ACOT11: variants seen among roughly 807,000 people sequenced by gnomAD.
The protein encoded by ACOT11 is acyl-CoA thioesterase 11.
A neutral mutation model predicts 77.5 loss-of-function variants in ACOT11; 69 were observed. The observed-to-expected ratio is 0.89, with a 90% CI of 0.73 to 1.09. The LOEUF (loss-of-function observed/expected upper bound fraction) is 1.09. Ranked by LOEUF, ACOT11 falls within the 50% of genes least tolerant of loss-of-function variation. The probability of loss-of-function intolerance (pLI) is 0.00; values close to 1 mark genes in which losing one functional copy is unlikely to be tolerated. For synonymous variants in ACOT11, 279 were observed against 313.0 expected, an observed-to-expected ratio of 0.89 and a Z score of 1.15; for missense variants, 766 against 813.7, an observed-to-expected ratio of 0.94 and a Z score of 0.71.
intron 8 of ACOT11, 32 bp from the exon 9 acceptor site, chr1:54,601,237 T>C (rs1431855184): frequency 1.9e-5 from 31 of 1,600,012 alleles, no homozygotes; most frequent in Non-Finnish European, 2.6e-5. Context: ...GGAAGGTCTG[T>C]CCAGGTTGGA....
intron 3 of ACOT11, among the ~76,000 whole-genome samples, chr1:54,588,903 G>A (rs1230559167): frequency 6.6e-6 from 1 of 152,144 alleles, no homozygotes; most frequent in African/African-American, 2.4e-5. Flanking sequence ...ATGGTTGGTG[G>A]CCAGGGAAGG....
intron 1 of ACOT11, among the ~76,000 whole-genome samples, chr1:54,570,708 G>T (rs1653902122): frequency 6.7e-6 from 1 of 148,498 alleles, no homozygotes; most frequent in Non-Finnish European, 1.5e-5. Context: ...ACAGAGTCTC[G>T]CCCTGTTGCC....
At chr1:54,587,639 G>A (rs1226748665) in intron 3 of ACOT11, among the ~76,000 whole-genome samples, 1 of 120,344 alleles carries the variant, frequency 8.3e-6, no homozygotes, top group Non-Finnish European at 1.6e-5. Context: ...TTGGCTCACT[G>A]CAACCTCCAC....
chr1:54,633,264 T>G (rs1250420183), intron 16 of ACOT11, among the ~76,000 whole-genome samples: 3 of 152,164 alleles, frequency 2.0e-5, no homozygotes, highest in Admixed American at 6.6e-5. Flanking sequence ...AGAAATTAGT[T>G]GCTGAACAAT....
intron 1 of ACOT11, among the ~76,000 whole-genome samples, chr1:54,568,031 T>C (rs1432540821): frequency 1.3e-5 from 2 of 152,186 alleles, no homozygotes; most frequent in Non-Finnish European, 2.9e-5. Flanking sequence ...GCTCTCTGCA[T>C]TTCTTAGGTC....
At position 54,584,418 on chromosome 1, in the gene ACOT11, G is replaced by T. The variant is rs971546403; in HGVS notation, c.34-237G>T. Among the ~76,000 whole-genome samples the T allele has an allele frequency of 6.6e-6, 1 of 152,188 alleles. No individual in the cohort carries two copies. The highest frequency in any genetic ancestry group is 2.4e-5 in the African/African-American group (1 of 41,444). On this transcript the variant is annotated intron_variant, in intron 1 of 15. Transcript: ENST00000343744. This position sits in a 1 kb window ranked among gnomAD's most constrained non-coding sequence, Gnocchi z 6.3. ...CACTGGCCCACTCGGGTGCAAGGCCGTGTTCATGTGCAGTTCTTGGCCAAA... is the reference window on the plus strand; with the variant it reads ...CACTGGCCCACTCGGGTGCAAGGCCTTGTTCATGTGCAGTTCTTGGCCAAA...
chr1:54,608,867 C>T (rs1005109290), intron 15 of ACOT11, 90 bp from the exon 16 acceptor site: 16 of 1,309,192 alleles, frequency 1.2e-5, no homozygotes, highest in Non-Finnish European at 1.7e-5. Flanking sequence ...AAGGCTGACT[C>T]ACCACCAGCC....
chr1:54,605,288 T>G, intron 13 of ACOT11, 79 bp downstream of exon 13: 1 of 1,516,106 alleles, frequency 6.6e-7, no homozygotes, highest in Non-Finnish European at 8.8e-7. Context: ...CTGCGGGTCA[T>G]CCTCCATGAT....
Position 54,575,394 on chromosome 1 carries a change from G to A in ACOT11, c.34-9261G>A, listed in dbSNP as rs140326102. Among the ~76,000 whole-genome samples the A allele has an allele frequency of 2.6e-4, 39 of 152,292 alleles. No homozygotes were observed. The East Asian group carries it at 7.1e-3, about 28-fold the overall frequency. On this transcript the variant is annotated intron_variant, in intron 1 of 15. Transcript: ENST00000343744. ...AGGGTAGGTGTCAGATTTCAGACAA[G>A]GTTATTTTTACCCTTGGGGGTGGAG...
At chr1:54,592,720 A>C in intron 4 of ACOT11, 114 bp downstream of exon 4, 1 of 1,062,846 alleles carries the variant, frequency 9.4e-7, no homozygotes, top group Non-Finnish European at 1.4e-6. Context: ...CCCTGATTAG[A>C]GCAGCAGAGT....
chr1:54,594,729 G>A, intron 6 of ACOT11, 38 bp downstream of exon 6: 1 of 1,586,324 alleles, frequency 6.3e-7, no homozygotes, highest in Non-Finnish European at 8.6e-7. Context: ...AGGGTAGCTG[G>A]CGTCCTGCAT....
chr1:54,593,492 G>T (rs1479219952), intron 4 of ACOT11, among the ~76,000 whole-genome samples: 1 of 144,286 alleles, frequency 6.9e-6, no homozygotes, highest in Non-Finnish European at 1.5e-5. Context: ...AGAGACAGGG[G>T]TCTCACTGTG....
chr1:54,609,504 C>T lies in ACOT11; in HGVS notation c.*392C>T, dbSNP rs376623047. 2.2e-5 allele frequency: 35 copies of T among 1,613,076 alleles called. No homozygotes were observed. The highest frequency in any genetic ancestry group is 1.1e-5 in the South Asian group (1 of 91,090). On this transcript the variant is annotated 3_prime_UTR_variant, in exon 16 of 16. Coordinates refer to ENST00000343744, the MANE Select transcript of ACOT11 (RefSeq NM_147161.4). ...AGCATGGCCTGCATCTGGAAGGACA[C>T]AGGTTGCCAGAGCCCCTGGCACAAC...
chr1:54,594,061 C>T, intron 5 of ACOT11, 22 bp downstream of exon 5: 1 of 1,605,790 alleles, frequency 6.2e-7, no homozygotes, highest in Non-Finnish European at 8.5e-7. Context: ...CGCCTGGCTG[C>T]TGGAACGCTG....
chr1:54,592,463 A>C, intron 3 of ACOT11, 83 bp from the exon 4 acceptor site: 90 of 1,344,438 alleles, frequency 6.7e-5, no homozygotes, highest in Non-Finnish European at 8.3e-5. Flanking sequence ...GCTCCCCGCA[A>C]GAGAGGCTCT....
intron 1 of ACOT11, among the ~76,000 whole-genome samples, chr1:54,567,370 C>A (rs563207106): frequency 1.6e-4 from 24 of 151,878 alleles, no homozygotes; most frequent in African/African-American, 5.8e-4. Context: ...CCTCTGCCTC[C>A]CAGGTTCAAG....
At chr1:54,570,242 C>T (rs115575637) in intron 1 of ACOT11, among the ~76,000 whole-genome samples, 10 of 152,326 alleles carry the variant, frequency 6.6e-5, no homozygotes, top group East Asian at 5.8e-4. Context: ...CGGGAGGCTT[C>T]GTAGAGTGCC....
chr1:54,633,652 T>G (rs1398537055), intron 16 of ACOT11, among the ~76,000 whole-genome samples: 2 of 152,214 alleles, frequency 1.3e-5, no homozygotes, highest in African/African-American at 4.8e-5. Context: ...CAATTGAACC[T>G]ACCCGTAAAA....
chr1:54,572,211 T>C (rs1653951476), intron 1 of ACOT11, among the ~76,000 whole-genome samples: 1 of 152,062 alleles, frequency 6.6e-6, no homozygotes, highest in Admixed American at 6.6e-5. Context: ...TCTCTCTCTC[T>C]GACTCTGGTT....
Sources: allele counts gnomAD v4.1 joint callset (sites outside exome capture counted in the v4.1 genomes callset), GRCh38; gene constraint gnomAD v4.1.1; non-coding constraint Gnocchi (gnomAD v3.1); transcripts MANE v1.5; gene names NCBI Gene and HGNC (gene_info 2026-07-23, HGNC 2026-07-21).